The following FAM181B variants were observed in gnomAD, a reference collection of about 807,000 sequenced individuals.
The protein encoded by FAM181B is family with sequence similarity 181 member B, also known as protein FAM181B.
A neutral mutation model predicts 17.8 loss-of-function variants in FAM181B; 13 were observed. The observed-to-expected ratio is 0.73, with a 90% CI of 0.48 to 1.16. The LOEUF (loss-of-function observed/expected upper bound fraction) is 1.16, where lower values mean the gene tolerates loss of function less well. Ranked by LOEUF, FAM181B falls within the 50% of genes most tolerant of loss-of-function variation. FAM181B has a pLI of 0.00. For synonymous variants in FAM181B, 338 were observed against 316.5 expected (o/e 1.07, Z -0.72); for missense variants, 725 against 634.1 (o/e 1.14, Z -1.54).
At position 82,733,010 on chromosome 11, in the gene FAM181B, G is replaced by A. The variant is rs778721453; in HGVS notation, c.720C>T (p.Gly240=). ...SFFTEPSRAG[G]GGCGPSGPDV... is the part of the protein sequence containing the mutation. Reference sequence around the variant, plus strand: ...CCGGCCCCGACGGGCCACACCCGCCGCCGCCTGCCCGGGACGGCTCCGTGA... The same window carrying A: ...CCGGCCCCGACGGGCCACACCCGCCACCGCCTGCCCGGGACGGCTCCGTGA... Residue 240 remains glycine, a synonymous_variant, in exon 1 of 1, where the codon GGC becomes GGT. Transcript: ENST00000329203. 6.5e-7 allele frequency: 1 copy of A among 1,549,800 alleles called. No homozygotes were observed.
chr11:82,732,778 G>A lies in FAM181B; in HGVS notation c.952C>T (p.Leu318=), dbSNP rs1401527089. 1 of 1,487,316 alleles carries A rather than the reference G, an allele frequency of 6.7e-7. No individual in the cohort carries two copies. Among genetic ancestry groups the A allele is most frequent in the Non-Finnish European group, 8.9e-7 (1 of 1,118,178 alleles). The allele number at this position is 1,487,316 out of a possible 1,614,324, so 92.1% of individuals were successfully genotyped here. ...ACGCTCCAGGGCTCGGGGTACAGTA[G>A]GTTTCCCACCACTGCCGGCGGCGGC... ...FEPPPAVVGN[L]LYPEPWSVPG... Residue 318 remains leucine (L), a synonymous_variant, in exon 1 of 1, where the codon CTA becomes TTA. Transcript: ENST00000329203.
At position 82,732,683 on chromosome 11, in the gene FAM181B, G is replaced by T; in HGVS notation, c.1047C>A (p.Pro349=). 6.8e-7 allele frequency: 1 copy of T among 1,469,138 alleles called. No homozygotes were observed. Among genetic ancestry groups the T allele is most frequent in the Non-Finnish European group, 9.0e-7 (1 of 1,110,030 alleles). The allele number at this position is 1,469,138 out of a possible 1,614,324, so 91.0% of individuals were successfully genotyped here. The change falls in exon 1 of 1, where the codon CCC becomes CCA. Residue 349 remains proline, a synonymous_variant. Transcript: ENST00000329203. ...APRGGLTLNE[P]LSPLYPAAAD... ...CAGCGGCGGGGTACAGGGGGCTCAA[G>T]GGCTCGTTCAAGGTCAAGCCGCCGC...
chr11:82,730,608 T>A lies in FAM181B; in HGVS notation c.*1841A>T, dbSNP rs920485164. On this transcript the variant is annotated 3_prime_UTR_variant, in exon 1 of 1. Coordinates refer to ENST00000329203, the MANE Select transcript of FAM181B (RefSeq NM_175885.4). ...GGAAGAAATCCAATAGACATTAGCTTTCTGGAGTTGCAAAAGTTCTTTTCA... is the reference window on the plus strand; with the variant it reads ...GGAAGAAATCCAATAGACATTAGCTATCTGGAGTTGCAAAAGTTCTTTTCA... The A allele has an allele frequency of 6.6e-6, 1 of 152,238 alleles. No individual in the cohort carries two copies. The highest frequency in any genetic ancestry group is 2.4e-5 in the African/African-American group (1 of 41,462). 9.4% of individuals were successfully genotyped at this position (152,238 alleles called of 1,614,324 possible).
Position 82,733,458 on chromosome 11 carries a change from A to C in FAM181B, c.272T>G (p.Val91Gly), listed in dbSNP as rs1219992857. ...LDKPGKSKRK[V>G]NHRKYLQKQI... ...CTTCTGCAGGTACTTGCGGTGGTTC[A>C]CCTTCCGCTTCGACTTGCCCGGCTT... The change falls in exon 1 of 1, where the codon GTG (valine) becomes GGG (glycine). Residue 91 changes from valine (V) to glycine (G), a missense_variant. Val to Gly is a moderately radical substitution (Grantham distance 109). Transcript: ENST00000329203. 6.3e-7 allele frequency: 1 copy of C among 1,595,508 alleles called. No homozygotes were observed.
In FAM181B at chr11:82,730,111, A is replaced by G. The variant is rs185878995; in HGVS notation, c.*2338T>C. On this transcript the variant is annotated 3_prime_UTR_variant, in exon 1 of 1. Transcript: ENST00000329203. ...CACTTTATAACCATCAGATCTCATG[A>G]GAACTCCCTCACTATCACAAGAACA... The G allele has an allele frequency of 6.6e-6, 1 of 152,330 alleles. No individual in the cohort carries two copies. Among genetic ancestry groups the G allele is most frequent in the East Asian group, 1.9e-4 (1 of 5,184 alleles). 9.4% of individuals were successfully genotyped at this position (152,330 alleles called of 1,614,324 possible). A position where few individuals can be genotyped will look rare whatever the true frequency, so the allele number is the denominator to read the frequency against.
rs533548114 is a variant in FAM181B, at chr11:82,730,510, A to C, written c.*1939T>G. 1 of 152,348 alleles carries C rather than the reference A, an allele frequency of 6.6e-6. No homozygotes were observed. The highest frequency in any genetic ancestry group is 2.1e-4 in the South Asian group (1 of 4,824). The allele number at this position is 152,348 out of a possible 1,614,324, so 9.4% of individuals were successfully genotyped here. ...GTGTATCCTGGATTGTATTCACAAC[A>C]GTTTAGACAAATTAAATCGTTATTA... On this transcript the variant is annotated 3_prime_UTR_variant, in exon 1 of 1. Coordinates refer to ENST00000329203, the MANE Select transcript of FAM181B (RefSeq NM_175885.4).
chr11:82,732,643 C>A lies in FAM181B; in HGVS notation c.1087G>T (p.Gly363Trp), dbSNP rs779493719. 6.6e-7 allele frequency: 1 copy of A among 1,504,914 alleles called. No homozygotes were observed. The highest frequency in any genetic ancestry group is 8.9e-7 in the Non-Finnish European group (1 of 1,125,072). The allele number at this position is 1,504,914 out of a possible 1,614,324, so 93.2% of individuals were successfully genotyped here. The change falls in exon 1 of 1, where the codon GGG becomes TGG. Residue 363 changes from glycine (G) to tryptophan (W), a missense_variant. Gly to Trp is a radical substitution (Grantham distance 184). Transcript: ENST00000329203. ...GCCAAATGGCCCCGCCCGTCCTCCC[C>A]GCCGGGAGAATCCGCAGCGGCGGGG... ...LYPAAADSPG[G>W]EDGRGHLASF...
rs1216209823 is a variant in FAM181B at position 82,733,396 on chromosome 11, G to A, written c.334C>T (p.Pro112Ser). The change falls in exon 1 of 1, where the codon CCC (proline) becomes TCC (serine). Residue 112 changes from proline to serine, a missense_variant. Transcript: ENST00000329203. Reference sequence around the variant, plus strand: ...GCGCTCGGGGAGGGCGGGCCGGGGGGCGCGGCGCCCATGAGGCCGCTGCAG... The same window carrying A: ...GCGCTCGGGGAGGGCGGGCCGGGGGACGCGGCGCCCATGAGGCCGCTGCAG... ...KRCSGLMGAAPPGPPSPSAAD... is the reference protein window; with the variant it reads ...KRCSGLMGAASPGPPSPSAAD... The A allele has an allele frequency of 6.1e-6, 9 of 1,480,322 alleles. No individual in the cohort carries two copies. The highest frequency in any genetic ancestry group is 2.3e-5 in the Admixed American group (1 of 42,936). 91.7% of individuals were successfully genotyped at this position (1,480,322 alleles called of 1,614,324 possible). A position where few individuals can be genotyped will look rare whatever the true frequency, so the allele number is the denominator to read the frequency against.
In FAM181B at chr11:82,733,813, G is replaced by C. The variant is rs1708019361; in HGVS notation, c.-84C>G. ...GCCGCCCAGACCCAGCTCCCGCCCC[G>C]GCGCGGCGCGCGCGGCGCAGCCTAC... On this transcript the variant is annotated 5_prime_UTR_variant, in exon 1 of 1. Coordinates refer to ENST00000329203, the MANE Select transcript of FAM181B (RefSeq NM_175885.4). 17 of 1,121,150 alleles carry C rather than the reference G, an allele frequency of 1.5e-5. No individual in the cohort carries two copies. Among genetic ancestry groups the C allele is most frequent in the African/African-American group, 3.3e-5 (2 of 61,052 alleles). The allele number at this position is 1,121,150 out of a possible 1,614,324, so 69.5% of individuals were successfully genotyped here. A position where few individuals can be genotyped will look rare whatever the true frequency, so the allele number is the denominator to read the frequency against.
rs1857122423 is a variant in FAM181B at position 82,730,960 on chromosome 11, G to C, written c.*1489C>G. ...CTCTCACTCAGATGTTCTGGGCGTTGCTCTCTTCATGCCTTTCTCCCCGCA... is the reference window on the plus strand; with the variant it reads ...CTCTCACTCAGATGTTCTGGGCGTTCCTCTCTTCATGCCTTTCTCCCCGCA... On this transcript the variant is annotated 3_prime_UTR_variant, in exon 1 of 1. Transcript: ENST00000329203. The C allele has an allele frequency of 6.6e-6, 1 of 152,296 alleles. No individual in the cohort carries two copies. Among genetic ancestry groups the C allele is most frequent in the South Asian group, 2.1e-4 (1 of 4,824 alleles). The allele number at this position is 152,296 out of a possible 1,614,324, so 9.4% of individuals were successfully genotyped here.
In FAM181B at chr11:82,732,754, C is replaced by T. The variant is rs1050725611; in HGVS notation, c.976G>A (p.Val326Ile). The stretch of plus-strand genomic sequence containing the variant: ...TTTTTGGTCGGGGAGCAGCCCGGGA[C>T]GCTCCAGGGCTCGGGGTACAGTAGG... ...GNLLYPEPWS[V>I]PGCSPTKKSP... Residue 326 changes from valine to isoleucine, a missense_variant, in exon 1 of 1, where the codon GTC (valine) becomes ATC (isoleucine). Transcript: ENST00000329203. 2.4e-5 allele frequency: 35 copies of T among 1,463,180 alleles called. No individual in the cohort carries two copies. Among genetic ancestry groups the T allele is most frequent in the Admixed American group, 5.3e-5 (2 of 37,512 alleles). The allele number at this position is 1,463,180 out of a possible 1,614,324, so 90.6% of individuals were successfully genotyped here.
chr11:82,730,257 C>T lies in FAM181B; in HGVS notation c.*2192G>A, dbSNP rs1857114080. 1.3e-5 allele frequency: 2 copies of T among 152,158 alleles called. No homozygotes were observed. Among genetic ancestry groups the T allele is most frequent in the African/African-American group, 2.4e-5 (1 of 41,440 alleles). The allele number at this position is 152,158 out of a possible 1,614,324, so 9.4% of individuals were successfully genotyped here. A position where few individuals can be genotyped will look rare whatever the true frequency, so the allele number is the denominator to read the frequency against. Reference sequence around the variant, plus strand: ...CACAGATCCAAACAGTATCAAGCACCTACATCATGGCAATATTAAGAGGCT... The same window carrying T: ...CACAGATCCAAACAGTATCAAGCACTTACATCATGGCAATATTAAGAGGCT... On this transcript the variant is annotated 3_prime_UTR_variant, in exon 1 of 1. Coordinates refer to ENST00000329203, the MANE Select transcript of FAM181B (RefSeq NM_175885.4).
chr11:82,730,280 G>C lies in FAM181B; in HGVS notation c.*2169C>G, dbSNP rs117148109. On this transcript the variant is annotated 3_prime_UTR_variant, in exon 1 of 1. Transcript: ENST00000329203. ...ACCTACATCATGGCAATATTAAGAG[G>C]CTCAGTGAGTTAGCTTAAATGCCTG... 96 of 152,296 alleles carry C rather than the reference G, an allele frequency of 6.3e-4. 1 individual carries two copies. The East Asian group carries it at 0.014, about 22-fold the overall frequency. 9.4% of individuals were successfully genotyped at this position (152,296 alleles called of 1,614,324 possible).
chr11:82,733,501 T>C lies in FAM181B; in HGVS notation c.229A>G (p.Ile77Val), dbSNP rs1857168038. The C allele has an allele frequency of 3.1e-6, 5 of 1,607,880 alleles. No homozygotes were observed. The African/African-American group carries it at 4.0e-5, about 13-fold the overall frequency. ...CCCGGCTTGTCCAGCGCCAGCTTGA[T>C]GTTGCTGGACGCCGAGTCAATGAAG... The part of the protein sequence containing the change: ...LSFIDSASSN[I>V]KLALDKPGKS... The change falls in exon 1 of 1, where the codon ATC (isoleucine) becomes GTC (valine). Residue 77 changes from isoleucine to valine, a missense_variant. Transcript: ENST00000329203.
chr11:82,733,519 C>T lies in FAM181B; in HGVS notation c.211G>A (p.Asp71Asn). The T allele has an allele frequency of 6.2e-7, 1 of 1,609,544 alleles. No individual in the cohort carries two copies. The highest frequency in any genetic ancestry group is 2.2e-5 in the East Asian group (1 of 44,716). ...EATRDLLSFI[D>N]SASSNIKLAL... is the part of the protein sequence containing the mutation. ...AGCTTGATGTTGCTGGACGCCGAGT[C>T]AATGAAGCTGAGTAGATCGCGGGTG... The change falls in exon 1 of 1, where the codon GAC becomes AAC. Residue 71 changes from aspartate to asparagine, a missense_variant. Asp to Asn is a conservative substitution (Grantham distance 23). Coordinates refer to ENST00000329203, the MANE Select transcript of FAM181B (RefSeq NM_175885.4).
Position 82,733,600 on chromosome 11 carries a change from C to G in FAM181B, c.130G>C (p.Gly44Arg), listed in dbSNP as rs1857170096. 1 of 1,602,700 alleles carries G rather than the reference C, an allele frequency of 6.2e-7. No homozygotes were observed. The highest frequency in any genetic ancestry group is 1.1e-5 in the South Asian group (1 of 90,528). Residue 44 changes from glycine to arginine, a missense_variant, in exon 1 of 1, where the codon GGG becomes CGG. Physicochemically the swap from Gly to Arg is moderately radical, Grantham distance 125. Coordinates refer to ENST00000329203, the MANE Select transcript of FAM181B (RefSeq NM_175885.4). ...GACAGCAGCGCACCCGCCGGAGCCC[C>G]GGTCTCATCGTCCTCGAAACAGCAG... ...KGCCFEDDET[G>R]APAGALLSGA...
In FAM181B at chr11:82,733,484, G is replaced by C. The variant is rs1464130443; in HGVS notation, c.246C>G (p.Asp82Glu). Residue 82 changes from aspartate to glutamate, a missense_variant, in exon 1 of 1, where the codon GAC becomes GAG. Coordinates refer to ENST00000329203, the MANE Select transcript of FAM181B (RefSeq NM_175885.4). ...CCTTCCGCTTCGACTTGCCCGGCTT[G>C]TCCAGCGCCAGCTTGATGTTGCTGG... ...SASSNIKLAL[D>E]KPGKSKRKVN... 4.4e-6 allele frequency: 7 copies of C among 1,604,224 alleles called. No homozygotes were observed. In the South Asian group the frequency reaches 7.9e-5, roughly 18 times the overall value.
At position 82,730,318 on chromosome 11, in the gene FAM181B, A is replaced by G. The variant is rs1857114664; in HGVS notation, c.*2131T>C. On this transcript the variant is annotated 3_prime_UTR_variant, in exon 1 of 1. Coordinates refer to ENST00000329203, the MANE Select transcript of FAM181B (RefSeq NM_175885.4). ...GCTTAAATGCCTGGGATGCGGAAAC[A>G]ATGTTGATATTATTATTAATTAAAC... The G allele has an allele frequency of 6.6e-6, 1 of 152,238 alleles. No individual in the cohort carries two copies. The highest frequency in any genetic ancestry group is 6.5e-5 in the Admixed American group (1 of 15,284). 9.4% of individuals were successfully genotyped at this position (152,238 alleles called of 1,614,324 possible).
At position 82,730,619 on chromosome 11, in the gene FAM181B, C is replaced by T. The variant is rs1339137038; in HGVS notation, c.*1830G>A. 2 of 152,180 alleles carry T rather than the reference C, an allele frequency of 1.3e-5. No homozygotes were observed. The highest frequency in any genetic ancestry group is 4.8e-5 in the African/African-American group (2 of 41,438). The allele number at this position is 152,180 out of a possible 1,614,324, so 9.4% of individuals were successfully genotyped here. A position where few individuals can be genotyped will look rare whatever the true frequency, so the allele number is the denominator to read the frequency against. On this transcript the variant is annotated 3_prime_UTR_variant, in exon 1 of 1. Coordinates refer to ENST00000329203, the MANE Select transcript of FAM181B (RefSeq NM_175885.4). ...AATAGACATTAGCTTTCTGGAGTTG[C>T]AAAAGTTCTTTTCATCATTAACAGT...
Sources: gnomAD v4.1 joint callset for allele counts on GRCh38, gnomAD v4.1.1 for gene constraint, MANE v1.5 for transcripts, NCBI Gene and HGNC (gene_info 2026-07-23, HGNC 2026-07-21) for gene names.